LMX1A: variants seen among roughly 807,000 people sequenced by gnomAD.
LMX1A encodes LIM homeobox transcription factor 1 alpha.
LMX1A carries 15 observed loss-of-function variants against 49.1 expected under a neutral mutation model. The ratio of observed to expected loss-of-function variants is 0.31; its 90% CI spans 0.20 to 0.47. LMX1A has a LOEUF of 0.47. LMX1A is among the 20% of genes least tolerant of loss of function. The pLI, the probability that LMX1A is intolerant of heterozygous loss-of-function variation, is 1.00. For synonymous variants in LMX1A, 167 were observed against 185.7 expected (o/e 0.90, Z 0.82); for missense variants, 372 against 475.8 (o/e 0.78, Z 2.03).
In LMX1A at chr1:165,355,084, C is replaced by G. The variant is rs1656560897; in HGVS notation, c.76+400G>C. 6.6e-6 allele frequency among the ~76,000 whole-genome samples: 1 copy of G among 152,158 alleles called. No individual in the cohort carries two copies. Reference sequence around the variant, plus strand: ...AGTTGGTGGGGGAGAGAAGCCTCCTCGAACTTGGGCGCTCCAGGCCTCGGG... The same window carrying G: ...AGTTGGTGGGGGAGAGAAGCCTCCTGGAACTTGGGCGCTCCAGGCCTCGGG... On this transcript the variant is annotated intron_variant, in intron 2 of 8. Coordinates refer to ENST00000342310, the MANE Select transcript of LMX1A (RefSeq NM_177398.4). This position sits in a 1 kb window ranked among gnomAD's most constrained non-coding sequence, Gnocchi z 4.7.
Position 165,290,197 on chromosome 1 carries a change from C to G in LMX1A, c.264-40557G>C, listed in dbSNP as rs184316142. On this transcript the variant is annotated intron_variant, in intron 3 of 8. Coordinates refer to ENST00000342310, the MANE Select transcript of LMX1A (RefSeq NM_177398.4). ...CACTTATTTCTTATGGTCACTGTAA[C>G]AAATTACCTGACAATTGGTGGCTTA... Among the ~76,000 whole-genome samples the G allele has an allele frequency of 6.8e-4, 104 of 152,298 alleles. 1 individual carries two copies. Among genetic ancestry groups the G allele is most frequent in the African/African-American group, 2.4e-3 (101 of 41,560 alleles).
chr1:165,256,758 C>G (rs1019734905), intron 3 of LMX1A, among the ~76,000 whole-genome samples: 2 of 151,918 alleles, frequency 1.3e-5, no homozygotes, highest in African/African-American at 4.8e-5. Context: ...TCCTCTGTAA[C>G]CAAGGAGACA....
chr1:165,241,415 C>G (rs1272688392), intron 4 of LMX1A, among the ~76,000 whole-genome samples: 4 of 152,152 alleles, frequency 2.6e-5, no homozygotes, highest in Admixed American at 2.0e-4. Flanking sequence ...AAGTTTCAAG[C>G]CCTTGATTTT....
At chr1:165,277,978 T>C (rs2101702804) in intron 3 of LMX1A, among the ~76,000 whole-genome samples, 1 of 152,362 alleles carries the variant, frequency 6.6e-6, no homozygotes, top group South Asian at 2.1e-4. Flanking sequence ...TAACAGCTAA[T>C]ACTGTGTGCT....
intron 7 of LMX1A, among the ~76,000 whole-genome samples, chr1:165,206,628 T>C (rs1305196744): frequency 6.6e-6 from 1 of 152,130 alleles, no homozygotes; most frequent in Non-Finnish European, 1.5e-5. Flanking sequence ...CTCATATGCT[T>C]TGATGCATTC....
chr1:165,283,576 G>T (rs900748522), intron 3 of LMX1A, among the ~76,000 whole-genome samples: 2 of 152,048 alleles, frequency 1.3e-5, no homozygotes, highest in African/African-American at 4.8e-5. Flanking sequence ...GCTCAAAAGG[G>T]TCTTCCTTGA....
intron 3 of LMX1A, among the ~76,000 whole-genome samples, chr1:165,259,008 C>A (rs1012177789): frequency 6.6e-6 from 1 of 152,218 alleles, no homozygotes; most frequent in Admixed American, 6.5e-5. Flanking sequence ...CACATACTAG[C>A]TGCTCTCAAT....
intron 3 of LMX1A, among the ~76,000 whole-genome samples, chr1:165,349,193 G>T (rs942982756): frequency 4.9e-4 from 74 of 152,184 alleles, no homozygotes; most frequent in African/African-American, 1.7e-3. Context: ...CTTCTAGAGG[G>T]CTTAATTATC....
intron 3 of LMX1A, among the ~76,000 whole-genome samples, chr1:165,327,577 G>T (rs921263524): frequency 6.6e-6 from 1 of 152,202 alleles, no homozygotes; most frequent in African/African-American, 2.4e-5. Context: ...CAAAGGCAGC[G>T]ATTCCTCCAC....
chr1:165,324,643 A>G (rs1186594033), intron 3 of LMX1A, among the ~76,000 whole-genome samples: 1 of 152,202 alleles, frequency 6.6e-6, no homozygotes, highest in African/African-American at 2.4e-5. Context: ...AATAATAAAT[A>G]TTAATAACAA....
rs554385857 is a variant in LMX1A, at chr1:165,202,657, A to C, written c.*1223T>G. 3 of 151,940 alleles carry C rather than the reference A, an allele frequency of 2.0e-5. No individual in the cohort carries two copies. The highest frequency in any genetic ancestry group is 4.2e-4 in the South Asian group (2 of 4,798). The allele number at this position is 151,940 out of a possible 1,614,324, so 9.4% of individuals were successfully genotyped here. On this transcript the variant is annotated 3_prime_UTR_variant, in exon 9 of 9. Coordinates refer to ENST00000342310, the MANE Select transcript of LMX1A (RefSeq NM_177398.4). Reference sequence around the variant, plus strand: ...CAGGCCCGCAAGCAGGAGTTTGCCCAACCCTGCTCTAGAACACCACCAGGC... The same window carrying C: ...CAGGCCCGCAAGCAGGAGTTTGCCCCACCCTGCTCTAGAACACCACCAGGC...
Position 165,355,339 on chromosome 1 carries a change from G to T in LMX1A, c.76+145C>A. The T allele has an allele frequency of 1.4e-6, 1 of 740,656 alleles. No individual in the cohort carries two copies. Among genetic ancestry groups the T allele is most frequent in the Non-Finnish European group, 2.3e-6 (1 of 443,734 alleles). The allele number at this position is 740,656 out of a possible 1,614,324, so 45.9% of individuals were successfully genotyped here. ...GTAGGGACGACCCACAAGCACTGAC[G>T]GACAGATAGTGATGGGGCTCAATTT... On this transcript the variant is annotated intron_variant, in intron 2 of 8. Coordinates refer to ENST00000342310, the MANE Select transcript of LMX1A (RefSeq NM_177398.4). This position sits in a 1 kb window ranked among gnomAD's most constrained non-coding sequence, Gnocchi z 4.7.
Position 165,355,450 on chromosome 1 carries a change from G to A in LMX1A, c.76+34C>T, listed in dbSNP as rs1483788285. 1 of 1,605,520 alleles carries A rather than the reference G, an allele frequency of 6.2e-7. No individual in the cohort carries two copies. Among genetic ancestry groups the A allele is most frequent in the Non-Finnish European group, 8.5e-7 (1 of 1,173,130 alleles). On this transcript the variant is annotated intron_variant, in intron 2 of 8. Transcript: ENST00000342310. The surrounding 1 kb of genome is among the most constrained non-coding windows in gnomAD (Gnocchi z 4.7). ...CAGAGCTCAGCGCCAAGCGGAAAGAGAGTGCGCCCAGGACGCACGGCCTGA... is the reference window on the plus strand; with the variant it reads ...CAGAGCTCAGCGCCAAGCGGAAAGAAAGTGCGCCCAGGACGCACGGCCTGA...
At chr1:165,300,618 C>T (rs1033187392) in intron 3 of LMX1A, among the ~76,000 whole-genome samples, 21 of 152,204 alleles carry the variant, frequency 1.4e-4, no homozygotes, top group African/African-American at 4.6e-4. Flanking sequence ...TCAGCTCCTC[C>T]CTGAGGCTCC....
At chr1:165,336,676 A>G (rs1197462447) in intron 3 of LMX1A, among the ~76,000 whole-genome samples, 1 of 152,108 alleles carries the variant, frequency 6.6e-6, no homozygotes, top group African/African-American at 2.4e-5. Context: ...GCATCACCAC[A>G]CACCCAGCTC....
chr1:165,285,218 C>T (rs1654271365), intron 3 of LMX1A, among the ~76,000 whole-genome samples: 1 of 152,188 alleles, frequency 6.6e-6, no homozygotes, highest in Non-Finnish European at 1.5e-5. Context: ...CCATAGCACA[C>T]CCAGAAGGAA....
chr1:165,227,281 T>C (rs1445999266), intron 4 of LMX1A, among the ~76,000 whole-genome samples: 1 of 152,192 alleles, frequency 6.6e-6, no homozygotes, highest in East Asian at 1.9e-4. Flanking sequence ...CTCACGCCTA[T>C]AATCCCAGCA....
intron 4 of LMX1A, among the ~76,000 whole-genome samples, chr1:165,224,043 T>C (rs904835282): frequency 2.0e-5 from 3 of 152,304 alleles, no homozygotes; most frequent in African/African-American, 7.2e-5. Flanking sequence ...TGGGAAGTGA[T>C]TGGATCATGG....
At chr1:165,253,914 C>T (rs988116644) in intron 3 of LMX1A, among the ~76,000 whole-genome samples, 2 of 152,144 alleles carry the variant, frequency 1.3e-5, no homozygotes, top group African/African-American at 2.4e-5. Flanking sequence ...TTTGCCTTGA[C>T]TCCCTCTCCC....
Sources: allele counts gnomAD v4.1 joint callset (sites outside exome capture counted in the v4.1 genomes callset), GRCh38; gene constraint gnomAD v4.1.1; non-coding constraint Gnocchi (gnomAD v3.1); transcripts MANE v1.5; gene names NCBI Gene and HGNC (gene_info 2026-07-23, HGNC 2026-07-21).